Variants in ATOSA observed in about 807,000 individuals in gnomAD.
ATOSA encodes the protein atos homolog protein A.
chr15:52,615,579 A>G, the ATOSA span, among the ~76,000 whole-genome samples: 1 of 152,230 alleles, frequency 6.6e-6, no homozygotes, highest in African/African-American at 2.4e-5. Flanking sequence ...TTGAGCAGAG[A>G]TCTCATGTAG....
the ATOSA span, among the ~76,000 whole-genome samples, chr15:52,689,868 G>A: frequency 6.6e-6 from 1 of 152,216 alleles, no homozygotes; most frequent in African/African-American, 2.4e-5. Context: ...AATGGGCAAT[G>A]GAGAAAGGAA....
At chr15:52,651,040 C>T in the ATOSA span, among the ~76,000 whole-genome samples, 1 of 152,092 alleles carries the variant, frequency 6.6e-6, no homozygotes, top group Non-Finnish European at 1.5e-5. Context: ...CAAATGGTAA[C>T]CTACACTCTG....
the ATOSA span, among the ~76,000 whole-genome samples, chr15:52,583,880 C>T: frequency 3.3e-5 from 5 of 151,866 alleles, no homozygotes; most frequent in African/African-American, 1.2e-4. Flanking sequence ...TTAAATAGAG[C>T]TTTGGGGAGA....
the ATOSA span, among the ~76,000 whole-genome samples, chr15:52,661,429 T>G: frequency 5.9e-5 from 9 of 152,200 alleles, no homozygotes; most frequent in South Asian, 1.9e-3. Context: ...AGCAGGGAAT[T>G]TGAGTTTTAC....
At chr15:52,638,726 T>G in the ATOSA span, among the ~76,000 whole-genome samples, 5 of 141,902 alleles carry the variant, frequency 3.5e-5, no homozygotes, top group East Asian at 1.0e-3. Flanking sequence ...AAAGTACCAC[T>G]GGGGTGGGTG....
chr15:52,681,495 C>G, the ATOSA span, among the ~76,000 whole-genome samples: 1 of 152,086 alleles, frequency 6.6e-6, no homozygotes, highest in Admixed American at 6.5e-5. Flanking sequence ...TTCTTTTATC[C>G]TATGATTATG....
the ATOSA span, chr15:52,608,831 A>G: frequency 6.8e-6 from 11 of 1,606,378 alleles, no homozygotes; most frequent in Non-Finnish European, 9.3e-6. Context: ...TTGTTCAAAT[A>G]TTCAGACATT....
At chr15:52,666,326 C>T in the ATOSA span, among the ~76,000 whole-genome samples, 1 of 152,124 alleles carries the variant, frequency 6.6e-6, no homozygotes, top group Non-Finnish European at 1.5e-5. Context: ...TTTCTAGTTG[C>T]CCCCCAGACT....
chr15:52,623,495 G>A, the ATOSA span, among the ~76,000 whole-genome samples: 2 of 151,952 alleles, frequency 1.3e-5, no homozygotes, highest in Non-Finnish European at 2.9e-5. Flanking sequence ...GGAGAGCAGG[G>A]AACTCATGAC....
At chr15:52,598,166 T>C in the ATOSA span, among the ~76,000 whole-genome samples, 1 of 152,002 alleles carries the variant, frequency 6.6e-6, no homozygotes, top group African/African-American at 2.4e-5. Flanking sequence ...TATATGTAGA[T>C]ATATATAGAT....
chr15:52,613,429 C>T, the ATOSA span, among the ~76,000 whole-genome samples: 1 of 152,272 alleles, frequency 6.6e-6, no homozygotes, highest in African/African-American at 2.4e-5. Context: ...GCTTATGAGA[C>T]AGCAGGTATG....
At chr15:52,704,746 A>C in the ATOSA span, among the ~76,000 whole-genome samples, 2 of 152,234 alleles carry the variant, frequency 1.3e-5, no homozygotes, top group African/African-American at 4.8e-5. Context: ...GCCAACAGAC[A>C]TATGAAAAAA....
chr15:52,697,809 T>C, the ATOSA span, among the ~76,000 whole-genome samples: 1 of 151,804 alleles, frequency 6.6e-6, no homozygotes, highest in Non-Finnish European at 1.5e-5. Context: ...GATATCCAAG[T>C]GGTCAAAATT....
chr15:52,636,148 G>A, the ATOSA span, among the ~76,000 whole-genome samples: 1,564 of 143,800 alleles, frequency 0.011, 81 homozygotes, highest in Admixed American at 0.092. Context: ...AATAATAAAT[G>A]TATAAATAAT....
the ATOSA span, among the ~76,000 whole-genome samples, chr15:52,706,859 A>C: frequency 7.9e-5 from 12 of 152,148 alleles, 2 homozygotes; most frequent in Admixed American, 7.2e-4. Flanking sequence ...AAATCTGTAG[A>C]GAGAGAAAGT....
At chr15:52,665,900 G>T in the ATOSA span, among the ~76,000 whole-genome samples, 1 of 152,056 alleles carries the variant, frequency 6.6e-6, no homozygotes, top group East Asian at 1.9e-4. Flanking sequence ...CATAAGGGAA[G>T]AATATTTAAT....
At chr15:52,708,859 A>C in the ATOSA span, among the ~76,000 whole-genome samples, 1 of 152,260 alleles carries the variant, frequency 6.6e-6, no homozygotes, top group African/African-American at 2.4e-5. Flanking sequence ...TAGTTGCTTT[A>C]CTAGCACACT....
chr15:52,682,998 A>T, the ATOSA span, among the ~76,000 whole-genome samples: 1 of 152,166 alleles, frequency 6.6e-6, no homozygotes, highest in African/African-American at 2.4e-5. Flanking sequence ...CACAGGTATA[A>T]GGAAGTAAAA....
chr15:52,590,823 T>C, the ATOSA span: 1 of 152,228 alleles, frequency 6.6e-6, no homozygotes, highest in Non-Finnish European at 1.5e-5. Context: ...TTGAAAATGT[T>C]CTAATTTTTT....
Sources: gnomAD v4.1 joint callset for allele counts (sites outside exome capture counted in the v4.1 genomes callset) on GRCh38, gnomAD v4.1.1 for gene constraint, MANE v1.5 for transcripts, NCBI Gene and HGNC (gene_info 2026-07-23, HGNC 2026-07-21) for gene names.